TSHZ2: variants seen among roughly 807,000 people sequenced by gnomAD.
The protein encoded by TSHZ2 is teashirt zinc finger homeobox 2.
TSHZ2 carries 21 observed loss-of-function variants against 74.4 expected under a neutral mutation model. The observed-to-expected ratio is 0.28, with a 90% confidence interval of 0.20 to 0.41. The LOEUF is 0.41. Among genes scored for constraint, TSHZ2 ranks in the 10% least tolerant of loss-of-function variants. The pLI is 1.00. For synonymous variants in TSHZ2, 540 were observed against 515.3 expected (o/e 1.05, Z -0.65); for missense variants, 1,244 against 1,293.5 (o/e 0.96, Z 0.59).
chr20:53,190,233 A>G, intron 1 of TSHZ2, among the ~76,000 whole-genome samples: 1 of 149,512 alleles, frequency 6.7e-6, no homozygotes, highest in East Asian at 2.0e-4. Context: ...TTAAATTAAA[A>G]TAAGGATGAG....
chr20:53,063,496 A>G (rs1984883253), intron 1 of TSHZ2, among the ~76,000 whole-genome samples: 2 of 152,256 alleles, frequency 1.3e-5, no homozygotes, highest in African/African-American at 2.4e-5. Flanking sequence ...TAGATTTCAG[A>G]CTGTAAATAA....
intron 1 of TSHZ2, among the ~76,000 whole-genome samples, chr20:53,250,500 C>A (rs1245036910): frequency 6.6e-6 from 1 of 151,980 alleles, no homozygotes; most frequent in Non-Finnish European, 1.5e-5. Context: ...TTAAAAAAAA[C>A]TCCTTGGAAC....
At chr20:53,454,970 T>C (rs752258041) in intron 2 of TSHZ2, among the ~76,000 whole-genome samples, 36 of 152,180 alleles carry the variant, frequency 2.4e-4, no homozygotes, top group South Asian at 4.1e-4. Context: ...TTCTCTTTCT[T>C]ACCACTCCCT....
intron 1 of TSHZ2, among the ~76,000 whole-genome samples, chr20:53,081,918 CAG>C (rs1363224168): frequency 6.3e-5 from 9 of 143,792 alleles, no homozygotes; most frequent in African/African-American, 1.6e-4. Context: ...TTTTCTGAGA[CAG>C]AGTCTTACTC....
At chr20:53,419,543 G>A (rs1420196902) in intron 2 of TSHZ2, among the ~76,000 whole-genome samples, 3 of 152,172 alleles carry the variant, frequency 2.0e-5, no homozygotes, top group African/African-American at 7.2e-5. Context: ...TAAGAAAGGT[G>A]AGGTATAGAC....
chr20:53,082,340 G>GGT (rs1461119507), intron 1 of TSHZ2, among the ~76,000 whole-genome samples: 1 of 152,144 alleles, frequency 6.6e-6, no homozygotes, highest in Non-Finnish European at 1.5e-5. Context: ...TTACTCAGTA[G>GGT]GTGGTCGAGC....
chr20:53,308,731 CTTCT>C (rs1978651507), intron 2 of TSHZ2, among the ~76,000 whole-genome samples: 1 of 152,116 alleles, frequency 6.6e-6, no homozygotes, highest in Admixed American at 6.6e-5. Flanking sequence ...CTATTTTATT[CTTCT>C]TTATTTTGTC....
chr20:53,097,098 C>T (rs1314770414), intron 1 of TSHZ2, among the ~76,000 whole-genome samples: 1 of 152,134 alleles, frequency 6.6e-6, no homozygotes, highest in Non-Finnish European at 1.5e-5. Context: ...GTAGAACTCT[C>T]AGTTGTGTCA....
rs890077266 is a variant in TSHZ2 at position 53,434,800 on chromosome 20, C to T, written c.*9-52344C>T. ...GACAGTCCTGTGACCATCTGCCTGG[C>T]AGCAAGGACTTCAGTTGTTTGCAAT... On this transcript the variant is annotated intron_variant, in intron 2 of 2. Coordinates refer to ENST00000371497, the MANE Select transcript of TSHZ2 (RefSeq NM_173485.6). Among the ~76,000 whole-genome samples the T allele has an allele frequency of 2.1e-4, 32 of 152,240 alleles. 1 individual carries two copies. The highest frequency in any genetic ancestry group is 1.8e-3 in the Admixed American group (28 of 15,286).
intron 2 of TSHZ2, among the ~76,000 whole-genome samples, chr20:53,456,166 C>A (rs1281092554): frequency 5.3e-5 from 8 of 150,816 alleles, no homozygotes; most frequent in Non-Finnish European, 1.2e-4. Context: ...AACTAGTTTA[C>A]AGTCCCACCA....
At chr20:52,990,351 G>A (rs1981934273) in intron 1 of TSHZ2, among the ~76,000 whole-genome samples, 1 of 149,846 alleles carries the variant, frequency 6.7e-6, no homozygotes, top group Non-Finnish European at 1.5e-5. Flanking sequence ...CACATAGTAG[G>A]CACTTGAAAA....
At chr20:53,005,358 G>C (rs139665087) in intron 1 of TSHZ2, among the ~76,000 whole-genome samples, 2 of 152,218 alleles carry the variant, frequency 1.3e-5, no homozygotes, top group African/African-American at 4.8e-5. Context: ...GGTTTGAGCT[G>C]AACTATTTAG....
intron 1 of TSHZ2, among the ~76,000 whole-genome samples, chr20:53,029,121 A>C (rs1358370103): frequency 6.6e-6 from 1 of 152,192 alleles, no homozygotes; most frequent in African/African-American, 2.4e-5. Flanking sequence ...AGAACATTGT[A>C]AGTATTGTTC....
intron 2 of TSHZ2, among the ~76,000 whole-genome samples, chr20:53,411,148 G>A (rs1439736681): frequency 6.6e-6 from 1 of 152,036 alleles, no homozygotes; most frequent in East Asian, 1.9e-4. Context: ...CGGGAAGTGG[G>A]GCCTTCATGT....
intron 2 of TSHZ2, among the ~76,000 whole-genome samples, chr20:53,261,778 T>C (rs144861895): frequency 1.3e-5 from 2 of 152,244 alleles, no homozygotes; most frequent in Non-Finnish European, 2.9e-5. Context: ...TTTCTTTCGC[T>C]AAATTGAAAA....
chr20:53,055,999 G>A (rs1320785319), intron 1 of TSHZ2, among the ~76,000 whole-genome samples: 1 of 152,096 alleles, frequency 6.6e-6, no homozygotes, highest in African/African-American at 2.4e-5. Context: ...CTTTTCCATT[G>A]CTATTTTATT....
intron 1 of TSHZ2, among the ~76,000 whole-genome samples, chr20:53,014,899 G>A (rs916027702): frequency 6.6e-6 from 1 of 152,110 alleles, no homozygotes; most frequent in Non-Finnish European, 1.5e-5. Context: ...GATACATTTT[G>A]TAATGTCACC....
intron 1 of TSHZ2, among the ~76,000 whole-genome samples, chr20:53,140,326 G>C (rs1246022801): frequency 6.6e-6 from 1 of 151,830 alleles, no homozygotes; most frequent in East Asian, 1.9e-4. Flanking sequence ...AGATCACGAG[G>C]TCAGGAGATC....
chr20:53,142,318 G>C (rs1204550052), intron 1 of TSHZ2, among the ~76,000 whole-genome samples: 1 of 152,182 alleles, frequency 6.6e-6, no homozygotes, highest in Non-Finnish European at 1.5e-5. Context: ...AGCTCCACAG[G>C]GCTTCCGGTT....
Sources: gnomAD v4.1 joint callset for allele counts (sites outside exome capture counted in the v4.1 genomes callset) on GRCh38, gnomAD v4.1.1 for gene constraint, MANE v1.5 for transcripts, NCBI Gene and HGNC (gene_info 2026-07-23, HGNC 2026-07-21) for gene names.